RASSF5: variants seen among roughly 807,000 people sequenced by gnomAD.
RASSF5 encodes the protein Ras association domain family member 5.
In RASSF5, 25 loss-of-function variants were observed where a neutral mutation model predicts 40.5. The observed-to-expected ratio is 0.62, with a 90% CI of 0.45 to 0.86. The LOEUF (loss-of-function observed/expected upper bound fraction) is 0.86. Ranked by LOEUF, RASSF5 falls within the 40% of genes least tolerant of loss-of-function variation. The pLI is 0.00. For missense variants in RASSF5, 521 were observed against 572.8 expected (o/e 0.91, Z 0.92); for synonymous variants, 246 against 252.4 (o/e 0.97, Z 0.24).
intron 2 of RASSF5, among the ~76,000 whole-genome samples, chr1:206,559,512 T>C (rs1158463317): frequency 2.0e-5 from 3 of 152,176 alleles, no homozygotes; most frequent in African/African-American, 4.8e-5. Flanking sequence ...TCCCCCCAGT[T>C]CTCCTTCCTC....
chr1:206,557,678 C>T (rs1553401982), intron 2 of RASSF5: 2 of 1,614,222 alleles, frequency 1.2e-6, no homozygotes, highest in South Asian at 2.2e-5. Context: ...ATGCGCAGAG[C>T]AAACATCTTT....
At chr1:206,582,597 TCTC>T (rs1225585100) in intron 2 of RASSF5, among the ~76,000 whole-genome samples, 9 of 152,346 alleles carry the variant, frequency 5.9e-5, no homozygotes, top group African/African-American at 1.9e-4. Flanking sequence ...TAGCGGTTTA[TCTC>T]CTCTTTTATG....
intron 2 of RASSF5, among the ~76,000 whole-genome samples, chr1:206,553,131 GGT>G (rs1376525186): frequency 2.6e-5 from 4 of 152,170 alleles, no homozygotes; most frequent in Non-Finnish European, 5.9e-5. Context: ...GAACCTGGGA[GGT>G]GGAGCTTGCA....
At chr1:206,519,507 G>A (rs1666848332) in intron 1 of RASSF5, among the ~76,000 whole-genome samples, 1 of 152,250 alleles carries the variant, frequency 6.6e-6, no homozygotes. Flanking sequence ...GCTCAGACAA[G>A]TAAGGCCCCT....
intron 1 of RASSF5, chr1:206,518,675 G>A: frequency 2.5e-6 from 1 of 394,404 alleles, no homozygotes; most frequent in Non-Finnish European, 4.5e-6. Flanking sequence ...ACCACTCCTT[G>A]GCCCTCCTGA....
chr1:206,538,173 C>T lies in RASSF5; in HGVS notation c.459C>T (p.Asn153=), dbSNP rs1553398898. Residue 153 remains asparagine, a splice_region_variant and synonymous_variant, in exon 2 of 6, where the codon AAC becomes AAT. Coordinates refer to ENST00000579436, the MANE Select transcript of RASSF5 (RefSeq NM_182663.4). ...CTCCCTTTTGTTCTTTACCTCCAGA[C>T]TGTAAATTCACCTGTCACCCAGAAT... ...EVLRQALRCT[N]CKFTCHPECR... 1 of 1,614,218 alleles carries T rather than the reference C, an allele frequency of 6.2e-7. No homozygotes were observed.
chr1:206,531,412 T>C lies in RASSF5; in HGVS notation c.458-6760T>C, dbSNP rs977405490. On this transcript the variant is annotated intron_variant, in intron 1 of 5. Coordinates refer to ENST00000579436, the MANE Select transcript of RASSF5 (RefSeq NM_182663.4). The surrounding 1 kb of genome is among the most constrained non-coding windows in gnomAD (Gnocchi z 4.7). Reference sequence around the variant, plus strand: ...TGTGTCTATTGTATGAGAACCTGAGTCTGAAGGGACATCTTGGGGCCAGGT... The same window carrying C: ...TGTGTCTATTGTATGAGAACCTGAGCCTGAAGGGACATCTTGGGGCCAGGT... 4.6e-5 allele frequency among the ~76,000 whole-genome samples: 7 copies of C among 152,050 alleles called. No individual in the cohort carries two copies. Among genetic ancestry groups the C allele is most frequent in the Non-Finnish European group, 8.8e-5 (6 of 68,008 alleles).
At chr1:206,564,242 C>A (rs890687466) in intron 2 of RASSF5, among the ~76,000 whole-genome samples, 1 of 152,248 alleles carries the variant, frequency 6.6e-6, no homozygotes, top group South Asian at 2.1e-4. Context: ...ATAAGGACTT[C>A]CCCTAGGGAG....
chr1:206,508,901 T>C (rs1553394271), intron 1 of RASSF5, among the ~76,000 whole-genome samples: 4 of 152,072 alleles, frequency 2.6e-5, no homozygotes, highest in Admixed American at 2.6e-4. Context: ...TCTGAGCCAA[T>C]CTTCAGTCTC....
intron 2 of RASSF5, among the ~76,000 whole-genome samples, chr1:206,574,043 T>G (rs1553404696): frequency 6.6e-6 from 1 of 152,262 alleles, no homozygotes; most frequent in Non-Finnish European, 1.5e-5. Flanking sequence ...GGGCAGTGCC[T>G]GACTACTGTC....
intron 2 of RASSF5, among the ~76,000 whole-genome samples, chr1:206,574,482 A>G (rs1198879906): frequency 2.0e-5 from 3 of 152,084 alleles, no homozygotes; most frequent in African/African-American, 7.2e-5. Context: ...TTGTCTTTGG[A>G]GACTTGAGTC....
In RASSF5 at chr1:206,584,334, T is replaced by C; in HGVS notation, c.691-53T>C. On this transcript the variant is annotated intron_variant, in intron 3 of 5. Coordinates refer to ENST00000579436, the MANE Select transcript of RASSF5 (RefSeq NM_182663.4). This position sits in a 1 kb window ranked among gnomAD's most constrained non-coding sequence, Gnocchi z 4.9. ...GGGCAATGGCCCCGAGTGGCAGATA[T>C]GATCATGCAAGGCGGACGGCCCTGA... 2 of 1,540,316 alleles carry C rather than the reference T, an allele frequency of 1.3e-6. No homozygotes were observed. The highest frequency in any genetic ancestry group is 1.9e-5 in the Admixed American group (1 of 52,036).
rs139344068 is a variant in RASSF5 at position 206,529,323 on chromosome 1, G to A, written c.458-8849G>A. Reference sequence around the variant, plus strand: ...GAGACCACCTGTCCTTCGAGCAGGAGTTAACACCATCACCACTTTGGTGGA... The same window carrying A: ...GAGACCACCTGTCCTTCGAGCAGGAATTAACACCATCACCACTTTGGTGGA... On this transcript the variant is annotated intron_variant, in intron 1 of 5. Coordinates refer to ENST00000579436, the MANE Select transcript of RASSF5 (RefSeq NM_182663.4). 5,404 of 781,472 alleles carry A rather than the reference G, an allele frequency of 6.9e-3. 77 individuals carry two copies. Among genetic ancestry groups the A allele is most frequent in the African/African-American group, 0.047 (2,773 of 59,166 alleles). The allele number at this position is 781,472 out of a possible 1,614,324, so 48.4% of individuals were successfully genotyped here.
At chr1:206,523,438 T>TATATATA (rs1413530490) in intron 1 of RASSF5, among the ~76,000 whole-genome samples, 3 of 116,414 alleles carry the variant, frequency 2.6e-5, no homozygotes, top group Non-Finnish European at 5.0e-5. Flanking sequence ...TAATATATTT[T>TATATATA]ATATATAATA....
intron 1 of RASSF5, among the ~76,000 whole-genome samples, chr1:206,523,030 C>T (rs551269106): frequency 6.6e-5 from 10 of 151,858 alleles, no homozygotes; most frequent in East Asian, 3.8e-4. Flanking sequence ...ATATTCCAGG[C>T]GTGGTGGCTC....
In RASSF5 at chr1:206,585,196, C is replaced by T. The variant is rs1553407347; in HGVS notation, c.1005C>T (p.Leu335=). The change falls in exon 5 of 6, where the codon CTC becomes CTT. Residue 335 remains leucine, a synonymous_variant. Transcript: ENST00000579436. ...GGTTTGCAGTGCTCTTCCAGAAACT[C>T]TCCATTGCTGACCGCCCCCTCTACC... ...HKDGQVLFQK[L]SIADRPLYLR... 18 of 1,614,078 alleles carry T rather than the reference C, an allele frequency of 1.1e-5. No individual in the cohort carries two copies. Among genetic ancestry groups the T allele is most frequent in the Non-Finnish European group, 1.5e-5 (18 of 1,179,950 alleles).
At position 206,507,775 on chromosome 1, in the gene RASSF5, AGGGGCGCAGCGCCCGGAGGGCTGCCCGG is replaced by A; in HGVS notation, c.177_204del (p.Arg60ThrfsTer97). The A allele has an allele frequency of 7.2e-7, 1 of 1,395,548 alleles. No individual in the cohort carries two copies. The highest frequency in any genetic ancestry group is 9.2e-7 in the Non-Finnish European group (1 of 1,085,250). 86.4% of individuals were successfully genotyped at this position (1,395,548 alleles called of 1,614,324 possible). On this transcript the variant is annotated frameshift_variant, in exon 1 of 6. Coordinates refer to ENST00000579436, the MANE Select transcript of RASSF5 (RefSeq NM_182663.4). LOFTEE classifies it high-confidence loss of function. Reference sequence around the variant, plus strand: ...CTCTCCACTGCGCCCGGGGCGCGCGAGGGGCGCAGCGCCCGGAGGGCTGCCCGGGGGAACCTGGAGCCCCCGCCCCGGG... The same window carrying A: ...CTCTCCACTGCGCCCGGGGCGCGCGAGGGAACCTGGAGCCCCCGCCCCGGG...
At chr1:206,562,581 C>T (rs1668173671) in intron 2 of RASSF5, among the ~76,000 whole-genome samples, 1 of 152,120 alleles carries the variant, frequency 6.6e-6, no homozygotes, top group South Asian at 2.1e-4. Context: ...ATTGTCCGTC[C>T]TATAAGATCA....
intron 1 of RASSF5, among the ~76,000 whole-genome samples, chr1:206,511,574 C>T (rs1178946269): frequency 3.3e-5 from 5 of 152,144 alleles, no homozygotes; most frequent in Admixed American, 3.3e-4. Flanking sequence ...CGGAGTCTCT[C>T]TCCAGAGGGG....
Sources: allele counts gnomAD v4.1 joint callset (sites outside exome capture counted in the v4.1 genomes callset), GRCh38; gene constraint gnomAD v4.1.1; non-coding constraint Gnocchi (gnomAD v3.1); transcripts MANE v1.5; gene names NCBI Gene and HGNC (gene_info 2026-07-23, HGNC 2026-07-21).